Variants in ADARB2 observed in about 807,000 individuals in gnomAD.
ADARB2 encodes the protein adenosine deaminase RNA specific B2 (inactive), also known as inactive double-stranded RNA-specific editase B2.
ADARB2 carries 25 observed loss-of-function variants against 62.2 expected under a neutral mutation model. That is an observed-to-expected ratio of 0.40 (90% CI 0.29 to 0.56). The LOEUF is 0.56. Among genes scored for constraint, ADARB2 ranks in the 20% least tolerant of loss-of-function variants. The probability of loss-of-function intolerance (pLI) is 0.43; values close to 1 mark genes in which losing one functional copy is unlikely to be tolerated. For synonymous variants in ADARB2, 572 were observed against 500.8 expected (o/e 1.14, Z -1.90); for missense variants, 1,071 against 1,077.4 (o/e 0.99, Z 0.08).
chr10:1,533,288 C>CTTTT (rs5782582), intron 1 of ADARB2, among the ~76,000 whole-genome samples: 3 of 142,594 alleles, frequency 2.1e-5, no homozygotes, highest in East Asian at 2.0e-4. Context: ...CTGGCTCATT[C>CTTTT]TTTTTTTTTT....
chr10:1,593,431 A>G (rs1174909436), intron 1 of ADARB2, among the ~76,000 whole-genome samples: 4 of 152,258 alleles, frequency 2.6e-5, no homozygotes, highest in African/African-American at 9.6e-5. Flanking sequence ...TCTCTGGTCC[A>G]ACAGTGTCAG....
chr10:1,281,676 C>T (rs564651121), intron 3 of ADARB2, among the ~76,000 whole-genome samples: 7 of 152,320 alleles, frequency 4.6e-5, no homozygotes, highest in Non-Finnish European at 7.3e-5. Flanking sequence ...CCTCAGGGAC[C>T]GCAGGGCTGC....
intron 3 of ADARB2, chr10:1,293,064 G>T: frequency 9.4e-6 from 1 of 106,630 alleles, no homozygotes; most frequent in Non-Finnish European, 1.9e-5. Flanking sequence ...GGAGGGAAAG[G>T]GGGGAGAGGA....
At chr10:1,348,347 T>C (rs1832100692) in intron 3 of ADARB2, among the ~76,000 whole-genome samples, 1 of 152,252 alleles carries the variant, frequency 6.6e-6, no homozygotes, top group Middle Eastern at 3.4e-3. Context: ...GGGTGAGCGG[T>C]TGAGGGGCCT....
chr10:1,457,396 C>G (rs113051843), intron 1 of ADARB2, among the ~76,000 whole-genome samples: 47 of 152,206 alleles, frequency 3.1e-4, no homozygotes, highest in Middle Eastern at 3.4e-3. Context: ...ATCTCAGGGT[C>G]TTTGTCTTCT....
At chr10:1,731,307 T>C (rs1835229243) in intron 1 of ADARB2, among the ~76,000 whole-genome samples, 1 of 152,192 alleles carries the variant, frequency 6.6e-6, no homozygotes. Flanking sequence ...CGTCCTCCAT[T>C]CCTTTTAAAT....
intron 1 of ADARB2, among the ~76,000 whole-genome samples, chr10:1,401,939 G>A (rs1832667120): frequency 1.3e-5 from 2 of 152,196 alleles, no homozygotes; most frequent in Admixed American, 1.3e-4. Context: ...TTATGGAAGG[G>A]CTTCCCGGGG....
At chr10:1,733,583 C>G (rs1054505876) in intron 1 of ADARB2, among the ~76,000 whole-genome samples, 11 of 152,116 alleles carry the variant, frequency 7.2e-5, no homozygotes, top group African/African-American at 2.4e-4. Flanking sequence ...TTTATATACT[C>G]TACTGTTTTG....
At chr10:1,236,968 C>G (rs1227225797) in intron 5 of ADARB2, among the ~76,000 whole-genome samples, 8 of 10,714 alleles carry the variant, frequency 7.5e-4, no homozygotes, top group East Asian at 3.1e-3. Context: ...ACTCCCCTCT[C>G]CCTCCCGGTG....
At chr10:1,733,626 C>T (rs560889117) in intron 1 of ADARB2, among the ~76,000 whole-genome samples, 210 of 152,118 alleles carry the variant, frequency 1.4e-3, no homozygotes, top group African/African-American at 4.9e-3. Flanking sequence ...CCTGGTTGAA[C>T]GGATATTAAC....
In ADARB2 at chr10:1,242,120, C is replaced by A. The variant is rs573377353; in HGVS notation, c.1361+11G>T. On this transcript the variant is annotated intron_variant, in intron 5 of 9. Transcript: ENST00000381312. ...GTCCGCCTTCCCTGGAGCCCGTCCC[C>A]AGCCGCTCACCTCAGGTGCAGCTCC... is the stretch of plus-strand genomic sequence containing the variant. The A allele has an allele frequency of 6.3e-7, 1 of 1,593,508 alleles. No homozygotes were observed. Among genetic ancestry groups the A allele is most frequent in the Non-Finnish European group, 8.5e-7 (1 of 1,171,210 alleles).
intron 1 of ADARB2, among the ~76,000 whole-genome samples, chr10:1,687,029 C>CTT (rs397952487): frequency 0.14 from 18,108 of 128,842 alleles, 1,577 homozygotes; most frequent in East Asian, 0.29. Context: ...ATGACATTGC[C>CTT]TTTTTTTTTT....
intron 1 of ADARB2, among the ~76,000 whole-genome samples, chr10:1,708,641 T>A (rs563647696): frequency 8.5e-5 from 13 of 152,148 alleles, no homozygotes; most frequent in African/African-American, 3.1e-4. Flanking sequence ...GACATTCAGG[T>A]TCAAGTCCTA....
Position 1,396,676 on chromosome 10 carries a change from C to T in ADARB2, c.101-17516G>A, listed in dbSNP as rs1374492925. 1.2e-4 allele frequency among the ~76,000 whole-genome samples: 17 copies of T among 147,782 alleles called. No homozygotes were observed. The East Asian group carries it at 3.1e-3, about 27-fold the overall frequency. On this transcript the variant is annotated intron_variant, in intron 1 of 9. Coordinates refer to ENST00000381312, the MANE Select transcript of ADARB2 (RefSeq NM_018702.4). ...CCTCCTCTCCCCTCCCGAGTGCAGGCTTCCTGGGTCACCGTCCGTCTCTCC... is the reference window on the plus strand; with the variant it reads ...CCTCCTCTCCCCTCCCGAGTGCAGGTTTCCTGGGTCACCGTCCGTCTCTCC...
chr10:1,700,678 T>C (rs79741997), intron 1 of ADARB2, among the ~76,000 whole-genome samples: 4,395 of 4,502 alleles, frequency 0.98, 2,144 homozygotes, highest in East Asian at 1. Flanking sequence ...CGCCAATACA[T>C]GCAATCCCAC....
chr10:1,668,920 G>C (rs183064580), intron 1 of ADARB2, among the ~76,000 whole-genome samples: 7 of 152,346 alleles, frequency 4.6e-5, no homozygotes, highest in Admixed American at 3.3e-4. Flanking sequence ...ATGTGTGACA[G>C]AGCCTGGTTA....
intron 1 of ADARB2, among the ~76,000 whole-genome samples, chr10:1,719,446 A>G (rs1835060490): frequency 6.6e-6 from 1 of 152,250 alleles, no homozygotes; most frequent in Admixed American, 6.5e-5. Context: ...ATATCTATAG[A>G]ATAAACTAAT....
chr10:1,471,862 A>G (rs1286786341), intron 1 of ADARB2, among the ~76,000 whole-genome samples: 3 of 152,272 alleles, frequency 2.0e-5, no homozygotes, highest in East Asian at 1.9e-4. Flanking sequence ...TGAATAACAC[A>G]GGACCAAGGA....
chr10:1,375,602 T>A (rs1832415356), intron 2 of ADARB2, among the ~76,000 whole-genome samples: 1 of 152,250 alleles, frequency 6.6e-6, no homozygotes, highest in South Asian at 2.1e-4. Context: ...GGATGAGAAC[T>A]GTCCTCGTAT....
Sources: allele counts gnomAD v4.1 joint callset (sites outside exome capture counted in the v4.1 genomes callset), GRCh38; gene constraint gnomAD v4.1.1; transcripts MANE v1.5; gene names NCBI Gene and HGNC (gene_info 2026-07-23, HGNC 2026-07-21).